The following PDE3B variants were observed in gnomAD, a reference collection of about 807,000 sequenced individuals.
PDE3B encodes phosphodiesterase 3B.
PDE3B carries 66 observed loss-of-function variants against 116.8 expected under a neutral mutation model. The ratio of observed to expected loss-of-function variants is 0.56; its 90% CI spans 0.46 to 0.69. The LOEUF is 0.69. Among genes scored for constraint, PDE3B ranks in the 30% least tolerant of loss-of-function variants. PDE3B has a pLI of 0.00. For missense variants in PDE3B, 1,384 were observed against 1,368.1 expected (o/e 1.01, Z -0.18); for synonymous variants, 595 against 533.6 (o/e 1.12, Z -1.59).
At chr11:14,708,233 T>C (rs1290180875) in intron 1 of PDE3B, among the ~76,000 whole-genome samples, 1 of 152,026 alleles carries the variant, frequency 6.6e-6, no homozygotes, top group African/African-American at 2.4e-5. Context: ...TGCTTCTTTT[T>C]TTGTCATGTG....
At chr11:14,895,666 C>T in the PDE3B span, among the ~76,000 whole-genome samples, 3 of 152,152 alleles carry the variant, frequency 2.0e-5, no homozygotes, top group Non-Finnish European at 2.9e-5. Flanking sequence ...AGATTAGGAA[C>T]CTTATGAAAG....
intron 4 of PDE3B, among the ~76,000 whole-genome samples, chr11:14,801,438 G>C (rs962744291): frequency 6.6e-6 from 1 of 152,204 alleles, no homozygotes; most frequent in Admixed American, 6.5e-5. Flanking sequence ...TCCAGACCCT[G>C]TTTGCCTGGA....
chr11:14,793,072 A>T (rs1185096656), intron 4 of PDE3B, among the ~76,000 whole-genome samples: 6 of 152,200 alleles, frequency 3.9e-5, no homozygotes, highest in Non-Finnish European at 8.8e-5. Flanking sequence ...GAGGTATGGT[A>T]TCCATATGAG....
chr11:14,744,380 G>T (rs535818885), intron 1 of PDE3B, among the ~76,000 whole-genome samples: 9 of 152,174 alleles, frequency 5.9e-5, no homozygotes, highest in Non-Finnish European at 1.3e-4. Context: ...TGCTTTGGGT[G>T]ATATTGCCAT....
the PDE3B span, chr11:14,880,659 C>T: frequency 1.3e-6 from 2 of 1,597,600 alleles, no homozygotes; most frequent in Non-Finnish European, 1.7e-6. Context: ...TGGTTTCTTC[C>T]AAGATTTTAG....
At chr11:14,670,345 C>T (rs573319462) in intron 1 of PDE3B, among the ~76,000 whole-genome samples, 1 of 152,234 alleles carries the variant, frequency 6.6e-6, no homozygotes, top group East Asian at 1.9e-4. Context: ...CAGAGCCTAG[C>T]AGATACTGTT....
At chr11:14,664,325 A>G (rs1164659884) in intron 1 of PDE3B, among the ~76,000 whole-genome samples, 4 of 152,204 alleles carry the variant, frequency 2.6e-5, no homozygotes, top group Non-Finnish European at 5.9e-5. Context: ...GAAAGATCCA[A>G]AATTGACACC....
At chr11:14,831,291 T>C (rs1444429549) in intron 8 of PDE3B, among the ~76,000 whole-genome samples, 1 of 151,698 alleles carries the variant, frequency 6.6e-6, no homozygotes, top group Non-Finnish European at 1.5e-5. Flanking sequence ...TAAATGCCAA[T>C]ATAAGGATAT....
intron 1 of PDE3B, among the ~76,000 whole-genome samples, chr11:14,770,536 C>A (rs1448674242): frequency 6.6e-6 from 1 of 151,500 alleles, no homozygotes; most frequent in Non-Finnish European, 1.5e-5. Flanking sequence ...TAATTAGTGT[C>A]TCTTGAATCT....
intron 1 of PDE3B, among the ~76,000 whole-genome samples, chr11:14,748,366 T>C (rs1457225805): frequency 6.6e-6 from 1 of 151,614 alleles, no homozygotes; most frequent in Non-Finnish European, 1.5e-5. Context: ...TAAATCACAA[T>C]TTTTTTTCTA....
rs1321891276 is a variant in PDE3B, at chr11:14,869,952, T to G, written c.*292T>G. ...TATGAATACTTTGTCATAATGCTGC[T>G]TTGCTGGGTAGTGAGCTCTTATTTT... On this transcript the variant is annotated 3_prime_UTR_variant, in exon 16 of 16. Transcript: ENST00000282096. 4.4e-6 allele frequency: 1 copy of G among 228,104 alleles called. No homozygotes were observed. The highest frequency in any genetic ancestry group is 2.3e-5 in the African/African-American group (1 of 44,160). The allele number at this position is 228,104 out of a possible 1,614,324, so 14.1% of individuals were successfully genotyped here. A position where few individuals can be genotyped will look rare whatever the true frequency, so the allele number is the denominator to read the frequency against.
chr11:14,661,097 A>G (rs1853889745), intron 1 of PDE3B, among the ~76,000 whole-genome samples: 1 of 152,224 alleles, frequency 6.6e-6, no homozygotes. Flanking sequence ...CAACCATTGT[A>G]GAAGACAGTG....
At chr11:14,703,148 G>A (rs1420419691) in intron 1 of PDE3B, among the ~76,000 whole-genome samples, 1 of 151,584 alleles carries the variant, frequency 6.6e-6, no homozygotes, top group Non-Finnish European at 1.5e-5. Flanking sequence ...ATTTTTTTGG[G>A]GAAATCTTAC....
intron 1 of PDE3B, among the ~76,000 whole-genome samples, chr11:14,708,268 AC>A (rs1490198046): frequency 2.0e-5 from 3 of 151,734 alleles, no homozygotes; most frequent in Admixed American, 2.0e-4. Flanking sequence ...GCTTCCCTTC[AC>A]CTTACCCCAT....
At chr11:14,674,272 C>G in intron 1 of PDE3B, 2 of 1,123,322 alleles carry the variant, frequency 1.8e-6, no homozygotes, top group South Asian at 2.5e-5. Context: ...TGTCTTCTTT[C>G]CTGGGGCAGC....
At chr11:14,763,636 A>G (rs1857419429) in intron 1 of PDE3B, among the ~76,000 whole-genome samples, 1 of 152,144 alleles carries the variant, frequency 6.6e-6, no homozygotes, top group South Asian at 2.1e-4. Context: ...AGGGAATCGA[A>G]TCTACTACAT....
rs150349986 is a variant in PDE3B, at chr11:14,864,068, G to A, written c.2886+2702G>A. ...GCTGTATTCAGGAGACCCATCTCAC[G>A]TGCAGACACACATAGGCTCAAAATA... On this transcript the variant is annotated intron_variant, in intron 14 of 15. Transcript: ENST00000282096. 1.5e-3 allele frequency among the ~76,000 whole-genome samples: 230 copies of A among 152,196 alleles called. 1 individual carries two copies. Among genetic ancestry groups the A allele is most frequent in the East Asian group, 8.3e-3 (43 of 5,182 alleles).
chr11:14,834,007 G>A lies in PDE3B; in HGVS notation c.2207-975G>A, dbSNP rs577749436. Among the ~76,000 whole-genome samples, 25 of 152,094 alleles carry A rather than the reference G, an allele frequency of 1.6e-4. 1 individual carries two copies. In the South Asian group the frequency reaches 5.2e-3, roughly 32 times the overall value. On this transcript the variant is annotated intron_variant, in intron 10 of 15. Transcript: ENST00000282096. The stretch of plus-strand genomic sequence containing the variant: ...ACTTTTCTAAACTTTAAAAATTTGT[G>A]AATGAGAATAACAATAGTACCTACT...
chr11:14,765,046 A>G (rs1318736332), intron 1 of PDE3B, among the ~76,000 whole-genome samples: 2 of 151,998 alleles, frequency 1.3e-5, no homozygotes, highest in Non-Finnish European at 2.9e-5. Context: ...AAACACACAC[A>G]AAGAGTTAAG....
Sources: gnomAD v4.1 joint callset for allele counts (sites outside exome capture counted in the v4.1 genomes callset) on GRCh38, gnomAD v4.1.1 for gene constraint, MANE v1.5 for transcripts, NCBI Gene and HGNC (gene_info 2026-07-23, HGNC 2026-07-21) for gene names.